Variants in TEK observed in about 807,000 individuals in gnomAD.
TEK encodes TEK receptor tyrosine kinase.
In TEK, 43 loss-of-function variants were observed where a neutral mutation model predicts 131.8. The observed-to-expected ratio is 0.33, with a 90% CI of 0.26 to 0.42. The LOEUF (loss-of-function observed/expected upper bound fraction) is 0.42. TEK is among the 10% of genes least tolerant of loss of function. TEK has a pLI of 1.00. For synonymous variants in TEK, 580 were observed against 491.6 expected, an observed-to-expected ratio of 1.18 and a Z score of -2.38; for missense variants, 1,162 against 1,384.4, an observed-to-expected ratio of 0.84 and a Z score of 2.55.
At chr9:27,161,193 G>T (rs1250712763) in intron 2 of TEK, among the ~76,000 whole-genome samples, 3 of 152,234 alleles carry the variant, frequency 2.0e-5, no homozygotes, top group Non-Finnish European at 4.4e-5. Context: ...CTTAACTTCA[G>T]TTAAATAAGG....
At chr9:27,166,161 T>C (rs10967750) in intron 2 of TEK, among the ~76,000 whole-genome samples, 45,481 of 152,134 alleles carry the variant, frequency 0.3, 7,201 homozygotes, top group Admixed American at 0.35. Flanking sequence ...AATTCTTACT[T>C]TGGGGGACAG....
intron 21 of TEK, among the ~76,000 whole-genome samples, chr9:27,226,402 T>A (rs1240597165): frequency 6.6e-6 from 1 of 152,204 alleles, no homozygotes; most frequent in Non-Finnish European, 1.5e-5. Flanking sequence ...TATGCAGCCA[T>A]AAGAAAGGAT....
At chr9:27,153,486 G>A (rs759258394) in intron 1 of TEK, among the ~76,000 whole-genome samples, 5 of 152,146 alleles carry the variant, frequency 3.3e-5, no homozygotes, top group Non-Finnish European at 5.9e-5. Flanking sequence ...CTTTGTTAAG[G>A]AAAAATAGCA....
chr9:27,183,885 C>G (rs1474467199), intron 8 of TEK, among the ~76,000 whole-genome samples: 1 of 152,198 alleles, frequency 6.6e-6, no homozygotes, highest in Non-Finnish European at 1.5e-5. Flanking sequence ...TCCTGCAGGA[C>G]TGTCCAGCTG....
chr9:27,217,565 ATACACAAAGCAATGATTTCT>A, intron 18 of TEK, 103 bp from the exon 19 acceptor site: 1 of 821,020 alleles, frequency 1.2e-6, no homozygotes, highest in Non-Finnish European at 2.1e-6. Context: ...TAGCTGGGAC[ATACACAAAGCAATGATTTCT>A]GAGTCTACCC....
intron 11 of TEK, among the ~76,000 whole-genome samples, chr9:27,195,414 C>T (rs1824968960): frequency 1.3e-5 from 2 of 152,124 alleles, no homozygotes. Flanking sequence ...GTAGATCCTG[C>T]CTCCCGTGAA....
At chr9:27,110,028 A>T (rs1282462210) in intron 1 of TEK, among the ~76,000 whole-genome samples, 2 of 152,136 alleles carry the variant, frequency 1.3e-5, no homozygotes, top group Non-Finnish European at 2.9e-5. Context: ...AATCTTCAGT[A>T]AAAAATGAAA....
rs1009111784 is a variant in TEK, at chr9:27,216,751, C to G, written c.2992-937C>G. ...TAGGGCAGGGCTGGTCTCATAAATG[C>G]ATGACCTAGGAGAACACCTGCTCTG... On this transcript the variant is annotated intron_variant, in intron 18 of 22. Coordinates refer to ENST00000380036, the MANE Select transcript of TEK (RefSeq NM_000459.5). Among the ~76,000 whole-genome samples the G allele has an allele frequency of 2.0e-5, 3 of 152,176 alleles. No homozygotes were observed. The South Asian group carries it at 6.2e-4, about 32-fold the overall frequency.
chr9:27,184,190 C>G (rs1824506772), intron 8 of TEK, among the ~76,000 whole-genome samples: 1 of 152,118 alleles, frequency 6.6e-6, no homozygotes, highest in Non-Finnish European at 1.5e-5. Flanking sequence ...CCACCTCTTC[C>G]CTTTGCCTTC....
intron 1 of TEK, among the ~76,000 whole-genome samples, chr9:27,126,124 C>T (rs1821979358): frequency 6.6e-6 from 1 of 152,212 alleles, no homozygotes; most frequent in Admixed American, 6.5e-5. Flanking sequence ...CACATTAATA[C>T]ATAACCCTGC....
intron 1 of TEK, among the ~76,000 whole-genome samples, chr9:27,153,883 T>G (rs1250279636): frequency 2.0e-5 from 3 of 152,238 alleles, no homozygotes; most frequent in African/African-American, 7.2e-5. Flanking sequence ...CTCGTTGTCG[T>G]GGAGCCTCTG....
At chr9:27,118,454 G>A (rs1006520361) in intron 1 of TEK, among the ~76,000 whole-genome samples, 3 of 152,018 alleles carry the variant, frequency 2.0e-5, no homozygotes, top group African/African-American at 7.2e-5. Context: ...GGGCAATATA[G>A]GGAGACCCAT....
intron 1 of TEK, among the ~76,000 whole-genome samples, chr9:27,135,413 T>C (rs1161850394): frequency 6.6e-6 from 1 of 152,102 alleles, no homozygotes; most frequent in African/African-American, 2.4e-5. Flanking sequence ...GTGACTGTTT[T>C]GCAGGGGAAA....
intron 1 of TEK, among the ~76,000 whole-genome samples, chr9:27,139,086 G>A (rs1245552752): frequency 6.6e-6 from 1 of 151,364 alleles, no homozygotes; most frequent in East Asian, 2.0e-4. Context: ...GTGGGCGTCT[G>A]TAGTCCCAGC....
chr9:27,126,079 T>C (rs1050210639), intron 1 of TEK, among the ~76,000 whole-genome samples: 2 of 152,156 alleles, frequency 1.3e-5, no homozygotes, highest in African/African-American at 4.8e-5. Flanking sequence ...GAGGTTAGGG[T>C]CACTGCAAGC....
intron 7 of TEK, among the ~76,000 whole-genome samples, chr9:27,181,755 T>C (rs1824384727): frequency 6.6e-6 from 1 of 152,350 alleles, no homozygotes; most frequent in African/African-American, 2.4e-5. Flanking sequence ...CTATCCACTG[T>C]CGTAGAATAT....
Position 27,217,537 on chromosome 9 carries a change from G to A in TEK, c.2992-151G>A. 4 of 708,948 alleles carry A rather than the reference G, an allele frequency of 5.6e-6. 1 individual carries two copies. In the South Asian group the frequency reaches 6.2e-5, roughly 11 times the overall value. The allele number at this position is 708,948 out of a possible 1,614,324, so 43.9% of individuals were successfully genotyped here. A position where few individuals can be genotyped will look rare whatever the true frequency, so the allele number is the denominator to read the frequency against. ...CTTATACTGTTTGTTTGCATGTTTT[G>A]AAATTTGAAAACACATGTAGCTGGG... On this transcript the variant is annotated intron_variant, in intron 18 of 22. Transcript: ENST00000380036.
At chr9:27,223,685 C>T (rs905742337) in intron 21 of TEK, among the ~76,000 whole-genome samples, 7 of 152,080 alleles carry the variant, frequency 4.6e-5, no homozygotes, top group Non-Finnish European at 8.8e-5. Context: ...AAAATTGACA[C>T]CCTAACATCA....
chr9:27,214,765 G>C lies in TEK; in HGVS notation c.2991+1168G>C, dbSNP rs578232039. On this transcript the variant is annotated intron_variant, in intron 18 of 22. Transcript: ENST00000380036. ...CTCTCCTTTCTGATGAGGGTGTGAAGCTGGGTCCCTTTGGCTCTTCGAGGG... is the reference window on the plus strand; with the variant it reads ...CTCTCCTTTCTGATGAGGGTGTGAACCTGGGTCCCTTTGGCTCTTCGAGGG... Among the ~76,000 whole-genome samples, 180 of 152,202 alleles carry C rather than the reference G, an allele frequency of 1.2e-3. 6 individuals carry two copies. The South Asian group carries it at 0.036, about 31-fold the overall frequency.
Sources: allele counts gnomAD v4.1 joint callset (sites outside exome capture counted in the v4.1 genomes callset), GRCh38; gene constraint gnomAD v4.1.1; transcripts MANE v1.5; gene names NCBI Gene and HGNC (gene_info 2026-07-23, HGNC 2026-07-21).